The following DSCAML1 variants were observed in gnomAD, a reference collection of about 807,000 sequenced individuals.
DSCAML1 encodes cell adhesion molecule DSCAML1.
Under a neutral mutation model 200.5 loss-of-function variants are expected in DSCAML1, and 38 were observed. That is an observed-to-expected ratio of 0.19 (90% CI 0.15 to 0.25). DSCAML1 has a LOEUF of 0.25. Among genes scored for constraint, DSCAML1 ranks in the 10% least tolerant of loss-of-function variants. The pLI is 1.00. For synonymous variants in DSCAML1, 1,215 were observed against 1,165.0 expected (o/e 1.04, Z -0.87); for missense variants, 2,223 against 2,858.8 (o/e 0.78, Z 5.07).
intron 3 of DSCAML1, among the ~76,000 whole-genome samples, chr11:117,757,484 C>T (rs963447843): frequency 6.6e-6 from 1 of 152,010 alleles, no homozygotes; most frequent in South Asian, 2.1e-4. Context: ...ATGTACCCCA[C>T]ACATATGTAA....
At chr11:117,506,788 C>A (rs1398209346) in intron 8 of DSCAML1, among the ~76,000 whole-genome samples, 1 of 152,042 alleles carries the variant, frequency 6.6e-6, no homozygotes, top group Non-Finnish European at 1.5e-5. Flanking sequence ...CTCAAGTGAT[C>A]CTCCCACCTC....
chr11:117,579,786 G>A (rs1301542099), intron 3 of DSCAML1, among the ~76,000 whole-genome samples: 1 of 152,158 alleles, frequency 6.6e-6, no homozygotes, highest in Non-Finnish European at 1.5e-5. Flanking sequence ...CATTGTAGAT[G>A]CTTAATAAAT....
At chr11:117,670,834 G>A (rs929061316) in intron 3 of DSCAML1, among the ~76,000 whole-genome samples, 5 of 152,146 alleles carry the variant, frequency 3.3e-5, no homozygotes, top group African/African-American at 4.8e-5. Context: ...ACCTGTCCCC[G>A]AGGGTCATTT....
intron 5 of DSCAML1, among the ~76,000 whole-genome samples, chr11:117,523,073 T>A (rs1419681879): frequency 6.6e-6 from 1 of 152,128 alleles, no homozygotes; most frequent in African/African-American, 2.4e-5. Flanking sequence ...TATGTAGCTG[T>A]GCATGGGTAC....
Position 117,503,304 on chromosome 11 carries a change from T to G in DSCAML1, c.2359+541A>C, listed in dbSNP as rs1221332337. ...CAACAATTTTGTGAGATCAGTGGGC[T>G]GGGAAGGGAACCCTCGTACAGGTGA... is the stretch of plus-strand genomic sequence containing the variant. On this transcript the variant is annotated intron_variant, in intron 11 of 32. Transcript: ENST00000651296. This position sits in a 1 kb window ranked among gnomAD's most constrained non-coding sequence, Gnocchi z 5.2. 6.6e-6 allele frequency among the ~76,000 whole-genome samples: 1 copy of G among 152,010 alleles called. No homozygotes were observed. Among genetic ancestry groups the G allele is most frequent in the African/African-American group, 2.4e-5 (1 of 41,380 alleles).
At chr11:117,807,143 C>T (rs2055713475) in intron 1 of DSCAML1, among the ~76,000 whole-genome samples, 1 of 152,234 alleles carries the variant, frequency 6.6e-6, no homozygotes, top group Non-Finnish European at 1.5e-5. Context: ...AGGCAACAGG[C>T]TCAGCGGGTA....
Position 117,428,062 on chromosome 11 carries a change from T to G in DSCAML1, c.*266A>C. ...GCGTTCCTGTCTGTCTATATATGTA[T>G]ATATATCTCCACACATATTTTGTGG... is the stretch of plus-strand genomic sequence containing the variant. On this transcript the variant is annotated 3_prime_UTR_variant, in exon 33 of 33. Coordinates refer to ENST00000651296, the MANE Select transcript of DSCAML1 (RefSeq NM_020693.4). 2.6e-6 allele frequency: 1 copy of G among 381,866 alleles called. No homozygotes were observed. The highest frequency in any genetic ancestry group is 4.7e-6 in the Non-Finnish European group (1 of 211,948). The allele number at this position is 381,866 out of a possible 1,614,324, so 23.7% of individuals were successfully genotyped here. A position where few individuals can be genotyped will look rare whatever the true frequency, so the allele number is the denominator to read the frequency against.
In DSCAML1 at chr11:117,543,821, G is replaced by A. The variant is rs191910544; in HGVS notation, c.512-11299C>T. ...GGGCAGTTTTTTTTTTGTTTGTTTT[G>A]TTTTTTTTAAAGATCTTAATACTAA... On this transcript the variant is annotated intron_variant, in intron 3 of 32. Coordinates refer to ENST00000651296, the MANE Select transcript of DSCAML1 (RefSeq NM_020693.4). 2.2e-3 allele frequency among the ~76,000 whole-genome samples: 324 copies of A among 150,326 alleles called. 2 individuals are homozygous for A. The highest frequency in any genetic ancestry group is 7.4e-3 in the African/African-American group (302 of 40,978).
chr11:117,586,163 A>G (rs1045232120), intron 3 of DSCAML1, among the ~76,000 whole-genome samples: 3 of 152,190 alleles, frequency 2.0e-5, no homozygotes, highest in African/African-American at 4.8e-5. Flanking sequence ...AAGATCACAC[A>G]GCTGGGGGCA....
chr11:117,485,866 A>T (rs1418774082), intron 11 of DSCAML1, among the ~76,000 whole-genome samples: 1 of 152,238 alleles, frequency 6.6e-6, no homozygotes. Context: ...GTCAACCTCC[A>T]TTGAAGTGTC....
intron 8 of DSCAML1, among the ~76,000 whole-genome samples, chr11:117,509,052 G>A (rs1345650064): frequency 6.6e-6 from 1 of 152,132 alleles, no homozygotes; most frequent in East Asian, 1.9e-4. Context: ...GGGGAAAGTA[G>A]AAACACACTT....
At chr11:117,724,743 G>A (rs1375147583) in intron 3 of DSCAML1, among the ~76,000 whole-genome samples, 5 of 152,204 alleles carry the variant, frequency 3.3e-5, no homozygotes, top group African/African-American at 7.2e-5. Context: ...CACCTAAGCT[G>A]TCTTCTCCTG....
intron 3 of DSCAML1, among the ~76,000 whole-genome samples, chr11:117,721,278 A>T (rs1331875879): frequency 2.0e-5 from 3 of 152,342 alleles, no homozygotes; most frequent in Admixed American, 1.3e-4. Context: ...CTTCTTCTCA[A>T]CTGAACCAAA....
intron 3 of DSCAML1, among the ~76,000 whole-genome samples, chr11:117,749,574 T>C (rs995473802): frequency 6.6e-5 from 10 of 152,200 alleles, no homozygotes; most frequent in African/African-American, 2.4e-4. Flanking sequence ...CCAGCAGACC[T>C]GAGCCTTCGG....
chr11:117,744,535 C>A (rs2054481235), intron 3 of DSCAML1, among the ~76,000 whole-genome samples: 4 of 152,230 alleles, frequency 2.6e-5, no homozygotes, highest in Admixed American at 2.6e-4. Flanking sequence ...GCTTCCCCAT[C>A]GGAAGGGACT....
In DSCAML1 at chr11:117,439,997, C is replaced by T. The variant is rs2048010672; in HGVS notation, c.3863-61G>A. 1.5e-5 allele frequency: 21 copies of T among 1,412,396 alleles called. 1 individual carries two copies. In the South Asian group the frequency reaches 2.2e-4, roughly 15 times the overall value. The allele number at this position is 1,412,396 out of a possible 1,614,324, so 87.5% of individuals were successfully genotyped here. On this transcript the variant is annotated intron_variant, in intron 21 of 32. Coordinates refer to ENST00000651296, the MANE Select transcript of DSCAML1 (RefSeq NM_020693.4). ...TACCCCTGCACAATATCCTGGCCTC[C>T]TTCCTTAGGGCCCCCTGGATTTACA...
In DSCAML1 at chr11:117,437,902, G is replaced by A. The variant is rs200041004; in HGVS notation, c.4425C>T (p.His1475=). The change falls in exon 25 of 33, where the codon CAC becomes CAT. Residue 1475 remains histidine (H), a synonymous_variant. Coordinates refer to ENST00000651296, the MANE Select transcript of DSCAML1 (RefSeq NM_020693.4). The surrounding 1 kb of genome is among the most constrained non-coding windows in gnomAD (Gnocchi z 5.3). ...RISEIIEAKT[H]GREPSFSKDQ... ...CAGTGGCCTGGGCCTCACCCCGCCC[G>A]TGGGTCTTGGCCTCGATGATCTCGC... 221 of 1,604,114 alleles carry A rather than the reference G, an allele frequency of 1.4e-4. 1 individual carries two copies. Among genetic ancestry groups the A allele is most frequent in the East Asian group, 1.2e-3 (53 of 44,594 alleles).
At position 117,737,112 on chromosome 11, in the gene DSCAML1, G is replaced by A. The variant is rs928427500; in HGVS notation, c.511+39679C>T. ...GAGGTCCACTATTTAAGAAGGCAAC[G>A]CTGTCCAGCTGAAAGAACACGGTCC... On this transcript the variant is annotated intron_variant, in intron 3 of 32. Coordinates refer to ENST00000651296, the MANE Select transcript of DSCAML1 (RefSeq NM_020693.4). Among the ~76,000 whole-genome samples, 8 of 152,168 alleles carry A rather than the reference G, an allele frequency of 5.3e-5. No homozygotes were observed. In the East Asian group the frequency reaches 9.6e-4, roughly 18 times the overall value.
At chr11:117,768,287 G>T (rs1024171616) in intron 3 of DSCAML1, among the ~76,000 whole-genome samples, 1 of 152,114 alleles carries the variant, frequency 6.6e-6, no homozygotes, top group Non-Finnish European at 1.5e-5. Context: ...TACATCCTAG[G>T]CACTTTGTTT....
Sources: allele counts gnomAD v4.1 joint callset (sites outside exome capture counted in the v4.1 genomes callset), GRCh38; gene constraint gnomAD v4.1.1; non-coding constraint Gnocchi (gnomAD v3.1); transcripts MANE v1.5; gene names NCBI Gene and HGNC (gene_info 2026-07-23, HGNC 2026-07-21).